AMOTL1: variants seen among roughly 807,000 people sequenced by gnomAD.
AMOTL1 encodes the protein angiomotin-like protein 1.
AMOTL1 carries 45 observed loss-of-function variants against 102.9 expected under a neutral mutation model. The ratio of observed to expected loss-of-function variants is 0.44; its 90% confidence interval spans 0.34 to 0.56. The LOEUF (loss-of-function observed/expected upper bound fraction) is 0.56, where lower values mean the gene tolerates loss of function less well. Ranked by LOEUF, AMOTL1 falls within the 20% of genes least tolerant of loss-of-function variation. The pLI is 0.01. For synonymous variants in AMOTL1, 481 were observed against 484.7 expected, an observed-to-expected ratio of 0.99 and a Z score of 0.10; for missense variants, 1,114 against 1,225.6, an observed-to-expected ratio of 0.91 and a Z score of 1.36.
At chr11:94,719,862 C>T (rs1225495074) in intron 1 of AMOTL1, among the ~76,000 whole-genome samples, 1 of 152,126 alleles carries the variant, frequency 6.6e-6, no homozygotes, top group African/African-American at 2.4e-5. Context: ...TCAACTGTGG[C>T]TCCACATTAG....
chr11:94,803,947 G>A (rs748764706), intron 3 of AMOTL1, among the ~76,000 whole-genome samples: 2 of 151,794 alleles, frequency 1.3e-5, no homozygotes, highest in Non-Finnish European at 2.9e-5. Flanking sequence ...TAGTATCCTC[G>A]CTTTTGAAAG....
At chr11:94,776,301 G>C (rs1393580902) in intron 1 of AMOTL1, among the ~76,000 whole-genome samples, 1 of 152,174 alleles carries the variant, frequency 6.6e-6, no homozygotes, top group Non-Finnish European at 1.5e-5. Context: ...TCAGTCTTTA[G>C]GTCCTGCAGT....
intron 1 of AMOTL1, among the ~76,000 whole-genome samples, chr11:94,793,864 A>T (rs1591971498): frequency 1.3e-5 from 2 of 152,356 alleles, no homozygotes; most frequent in East Asian, 1.9e-4. Context: ...TAAGAAAAAA[A>T]TTCTTGTCAG....
chr11:94,768,295 C>T (rs370869454), upstream of AMOTL1: 22 of 1,339,424 alleles, frequency 1.6e-5, no homozygotes, highest in African/African-American at 7.7e-5. Context: ...GTTCTAGTGA[C>T]GAGCCCGGGC....
chr11:94,762,950 C>T (rs1279953363), intron 3 of AMOTL1, among the ~76,000 whole-genome samples: 1 of 152,224 alleles, frequency 6.6e-6, no homozygotes, highest in Admixed American at 6.5e-5. Context: ...TCCCGCCAAA[C>T]TACCTATGTA....
chr11:94,735,281 C>T (rs1004618659), intron 2 of AMOTL1, among the ~76,000 whole-genome samples: 1 of 152,208 alleles, frequency 6.6e-6, no homozygotes, highest in African/African-American at 2.4e-5. Context: ...GCACACTAAG[C>T]AGAATATCTG....
intron 6 of AMOTL1, among the ~76,000 whole-genome samples, chr11:94,844,717 A>G (rs1158081326): frequency 1.3e-5 from 2 of 152,198 alleles, no homozygotes; most frequent in African/African-American, 4.8e-5. Flanking sequence ...TGAGGGCTGA[A>G]CCCTCATGGC....
intron 2 of AMOTL1, among the ~76,000 whole-genome samples, chr11:94,737,191 T>C (rs976278573): frequency 1.3e-5 from 2 of 152,210 alleles, no homozygotes; most frequent in Non-Finnish European, 2.9e-5. Context: ...CTCCAGAACC[T>C]AATCACCCTG....
At chr11:94,850,573 A>G (rs1952514715) in intron 7 of AMOTL1, among the ~76,000 whole-genome samples, 1 of 152,214 alleles carries the variant, frequency 6.6e-6, no homozygotes. Context: ...GTAGTTTCTG[A>G]TGAAATCAAC....
chr11:94,851,327 T>C (rs1952533782), intron 7 of AMOTL1, among the ~76,000 whole-genome samples: 1 of 152,244 alleles, frequency 6.6e-6, no homozygotes, highest in Non-Finnish European at 1.5e-5. Context: ...TAAAATCTTT[T>C]AGTTTTAATA....
chr11:94,770,832 C>T (rs1019749974), intron 1 of AMOTL1, among the ~76,000 whole-genome samples: 3 of 152,108 alleles, frequency 2.0e-5, no homozygotes, highest in South Asian at 2.1e-4. Context: ...GAAAGCACTC[C>T]GCTGATCAGA....
intron 4 of AMOTL1, among the ~76,000 whole-genome samples, chr11:94,824,585 C>T (rs781417248): frequency 1.8e-4 from 27 of 152,290 alleles, no homozygotes; most frequent in Non-Finnish European, 2.8e-4. Flanking sequence ...TTGTGCCTTG[C>T]GTTCCTAAGG....
chr11:94,782,781 A>G (rs1225194255), intron 1 of AMOTL1, among the ~76,000 whole-genome samples: 1 of 152,244 alleles, frequency 6.6e-6, no homozygotes, highest in African/African-American at 2.4e-5. Context: ...CATTTACTTC[A>G]ATCAAAAATT....
At chr11:94,743,098 A>G (rs1950547907) in intron 3 of AMOTL1, among the ~76,000 whole-genome samples, 1 of 152,206 alleles carries the variant, frequency 6.6e-6, no homozygotes, top group African/African-American at 2.4e-5. Context: ...AGGGTGATAG[A>G]GAAAATAAAA....
At position 94,799,088 on chromosome 11, in the gene AMOTL1, T is replaced by G. The variant is rs866761241; in HGVS notation, c.200-302T>G. Among the ~76,000 whole-genome samples, 1 of 151,910 alleles carries G rather than the reference T, an allele frequency of 6.6e-6. No individual in the cohort carries two copies. The highest frequency in any genetic ancestry group is 2.4e-5 in the African/African-American group (1 of 41,344). ...GTATTTTTTTTTAAATGGGAAAGAC[T>G]TGGGTATATTTATGTGATGAAGAGA... On this transcript the variant is annotated intron_variant, in intron 2 of 12. Coordinates refer to ENST00000433060, the MANE Select transcript of AMOTL1 (RefSeq NM_130847.3). This position sits in a 1 kb window ranked among gnomAD's most constrained non-coding sequence, Gnocchi z 4.5.
At chr11:94,770,403 G>GACAT (rs564232301) in intron 1 of AMOTL1, among the ~76,000 whole-genome samples, 18 of 152,000 alleles carry the variant, frequency 1.2e-4, no homozygotes, top group African/African-American at 4.1e-4. Flanking sequence ...AAAAGGGTAG[G>GACAT]ACATAGGTAG....
chr11:94,753,889 C>T (rs1950688513), intron 3 of AMOTL1, among the ~76,000 whole-genome samples: 1 of 152,200 alleles, frequency 6.6e-6, no homozygotes, highest in African/African-American at 2.4e-5. Flanking sequence ...GTGAGTGAGA[C>T]ACAGTCCTTC....
chr11:94,775,950 A>C (rs1381784681), intron 1 of AMOTL1, among the ~76,000 whole-genome samples: 1 of 152,230 alleles, frequency 6.6e-6, no homozygotes, highest in African/African-American at 2.4e-5. Flanking sequence ...TTACCAGGCC[A>C]TTATCAGGAG....
In AMOTL1 at chr11:94,866,104, C is replaced by T; in HGVS notation, c.2424C>T (p.Thr808=). ...AAATGTHSRQ[T]SLTSSQLAEE... ...CTACTGGGACACACTCTCGCCAGAC[C>T]TCTCTTACCAGCAGCCAGCTGGCTG... The change falls in exon 11 of 13, where the codon ACC becomes ACT. Residue 808 remains threonine, a synonymous_variant. Transcript: ENST00000433060. 6.2e-7 allele frequency: 1 copy of T among 1,614,010 alleles called. No homozygotes were observed.
Sources: allele counts gnomAD v4.1 joint callset (sites outside exome capture counted in the v4.1 genomes callset), GRCh38; gene constraint gnomAD v4.1.1; non-coding constraint Gnocchi (gnomAD v3.1); transcripts MANE v1.5; gene names NCBI Gene and HGNC (gene_info 2026-07-23, HGNC 2026-07-21).